STK3: variants seen among roughly 807,000 people sequenced by gnomAD.
STK3 encodes serine/threonine kinase 3.
A neutral mutation model predicts 58.0 loss-of-function variants in STK3; 41 were observed. The observed-to-expected ratio is 0.71, with a 90% CI of 0.55 to 0.92. The LOEUF (loss-of-function observed/expected upper bound fraction) is 0.92. Among genes scored for constraint, STK3 ranks in the 40% least tolerant of loss-of-function variants. The pLI is 0.00. For synonymous variants in STK3, 170 were observed against 191.0 expected (o/e 0.89, Z 0.91); for missense variants, 479 against 602.7 (o/e 0.79, Z 2.15).
chr8:98,702,601 G>A (rs993906325), intron 6 of STK3, among the ~76,000 whole-genome samples: 9 of 152,100 alleles, frequency 5.9e-5, no homozygotes, highest in Non-Finnish European at 1.2e-4. Context: ...ACCTAAACAC[G>A]GTAAAAGGCT....
chr8:98,759,808 TA>T (rs1250195329), intron 3 of STK3, among the ~76,000 whole-genome samples: 1 of 152,178 alleles, frequency 6.6e-6, no homozygotes, highest in African/African-American at 2.4e-5. Flanking sequence ...AGCAATTCTA[TA>T]CACAGTCATC....
chr8:98,370,377 G>GTA (rs1817599450), downstream of STK3, among the ~76,000 whole-genome samples: 1 of 151,474 alleles, frequency 6.6e-6, no homozygotes, highest in Admixed American at 6.6e-5. Context: ...GTGTGTGTGT[G>GTA]TGTGTGTATC....
At chr8:98,661,153 C>T (rs967928686) in intron 6 of STK3, among the ~76,000 whole-genome samples, 3 of 151,952 alleles carry the variant, frequency 2.0e-5, no homozygotes, top group East Asian at 3.9e-4. Flanking sequence ...TAAAATGTCA[C>T]GCTACAATTC....
At chr8:98,847,777 T>A (rs1273929235) in intron 3 of STK3, among the ~76,000 whole-genome samples, 2 of 152,218 alleles carry the variant, frequency 1.3e-5, no homozygotes, top group Non-Finnish European at 2.9e-5. Flanking sequence ...ATGTGCTTAC[T>A]TAACCCCAGC....
chr8:98,901,614 G>T (rs1838659109), intron 1 of STK3, among the ~76,000 whole-genome samples: 1 of 152,224 alleles, frequency 6.6e-6, no homozygotes, highest in Non-Finnish European at 1.5e-5. Context: ...TAGCTCACAG[G>T]GCAGATCTGG....
intron 10 of STK3, among the ~76,000 whole-genome samples, chr8:98,518,191 CTTAA>C (rs1825080135): frequency 1.3e-5 from 2 of 152,042 alleles, no homozygotes; most frequent in Non-Finnish European, 2.9e-5. Flanking sequence ...TGCTTTCTAT[CTTAA>C]TTAATCCAAT....
Position 98,891,910 on chromosome 8 carries a change from T to C in STK3, c.-78-8076A>G, listed in dbSNP as rs112208132. ...GAAATACTCTGGTCCTTCACTAGAC[T>C]CTGAAAGTACTCAGGCCACAAACTC... On this transcript the variant is annotated intron_variant, in intron 1 of 1. Coordinates refer to the STK3 transcript ENST00000519420. Among the ~76,000 whole-genome samples the C allele has an allele frequency of 8.7e-3, 1,328 of 152,212 alleles. 14 individuals are homozygous for C. The highest frequency in any genetic ancestry group is 0.03 in the African/African-American group (1,254 of 41,512).
chr8:98,494,885 C>A (rs1206227868), intron 10 of STK3, among the ~76,000 whole-genome samples: 4 of 152,160 alleles, frequency 2.6e-5, no homozygotes, highest in Admixed American at 1.3e-4. Flanking sequence ...ACACCAGGAG[C>A]CCAACTGTGA....
the STK3 span, among the ~76,000 whole-genome samples, chr8:98,355,381 C>T: frequency 6.6e-6 from 1 of 152,222 alleles, no homozygotes; most frequent in Admixed American, 6.5e-5. Context: ...CTCCAACTGA[C>T]ATGCACCATA....
intron 1 of STK3, among the ~76,000 whole-genome samples, chr8:98,790,733 C>G (rs957206262): frequency 1.3e-5 from 2 of 152,164 alleles, no homozygotes; most frequent in Non-Finnish European, 2.9e-5. Flanking sequence ...GCCTGTAACC[C>G]CAGCACTTTG....
chr8:98,739,403 G>C lies in STK3; in HGVS notation c.351+9873C>G, dbSNP rs919492746. ...GTACTCCTCTGAGACAAAACTTCCA[G>C]AGGAACGATCAGACAGCAGCATTCG... On this transcript the variant is annotated intron_variant, in intron 4 of 10. Transcript: ENST00000419617. Among the ~76,000 whole-genome samples, 36 of 151,866 alleles carry C rather than the reference G, an allele frequency of 2.4e-4. No individual in the cohort carries two copies. The Middle Eastern group carries it at 0.031, about 129-fold the overall frequency.
At chr8:98,900,693 GCT>G in intron 1 of STK3, among the ~76,000 whole-genome samples, 1 of 142,234 alleles carries the variant, frequency 7.0e-6, no homozygotes, top group Middle Eastern at 3.8e-3. Context: ...ACAGGGTCTT[GCT>G]CTGTCACCCA....
chr8:98,777,364 A>T (rs370588030), intron 1 of STK3, among the ~76,000 whole-genome samples: 252 of 152,130 alleles, frequency 1.7e-3, no homozygotes, highest in African/African-American at 5.8e-3. Context: ...TGTCTCTATT[A>T]AAAAATACAA....
At chr8:98,416,079 T>A (rs1818110902) in intron 3 of STK3, among the ~76,000 whole-genome samples, 1 of 152,192 alleles carries the variant, frequency 6.6e-6, no homozygotes, top group African/African-American at 2.4e-5. Flanking sequence ...CACTGTAGGC[T>A]TTCACACAAG....
intron 6 of STK3, among the ~76,000 whole-genome samples, chr8:98,621,915 A>C (rs892250189): frequency 1.4e-4 from 22 of 151,928 alleles, no homozygotes; most frequent in African/African-American, 5.3e-4. Flanking sequence ...TGCAAGTAAA[A>C]TATATCTGTG....
intron 6 of STK3, among the ~76,000 whole-genome samples, chr8:98,656,682 T>G (rs1214651396): frequency 6.6e-6 from 1 of 152,112 alleles, no homozygotes; most frequent in African/African-American, 2.4e-5. Flanking sequence ...TCCTTTTTAT[T>G]TCAAAAATTC....
At chr8:98,681,904 G>A (rs185940912) in intron 6 of STK3, among the ~76,000 whole-genome samples, 1 of 152,208 alleles carries the variant, frequency 6.6e-6, no homozygotes, top group Non-Finnish European at 1.5e-5. Flanking sequence ...AAATGCAGTC[G>A]ACAAGGAAAT....
At chr8:98,911,688 C>T (rs1839141639) in intron 1 of STK3, among the ~76,000 whole-genome samples, 1 of 151,990 alleles carries the variant, frequency 6.6e-6, no homozygotes, top group African/African-American at 2.4e-5. Flanking sequence ...ACCATGTCCA[C>T]CCCAGAAAAT....
chr8:98,903,150 T>C (rs928335331), intron 1 of STK3, among the ~76,000 whole-genome samples: 1 of 152,246 alleles, frequency 6.6e-6, no homozygotes, highest in Admixed American at 6.5e-5. Context: ...ATGAAAATTA[T>C]GTTTACTACA....
Sources: gnomAD v4.1 joint callset for allele counts (sites outside exome capture counted in the v4.1 genomes callset) on GRCh38, gnomAD v4.1.1 for gene constraint, MANE v1.5 for transcripts, NCBI Gene and HGNC (gene_info 2026-07-23, HGNC 2026-07-21) for gene names.